Variants in FTO observed in about 807,000 individuals in gnomAD.
The protein encoded by FTO is alpha-ketoglutarate-dependent dioxygenase FTO.
Under a neutral mutation model 63.9 loss-of-function variants are expected in FTO, and 47 were observed. The observed-to-expected ratio is 0.74, with a 90% confidence interval of 0.58 to 0.94. The LOEUF (loss-of-function observed/expected upper bound fraction) is 0.94. Among genes scored for constraint, FTO ranks in the 40% least tolerant of loss-of-function variants. The probability of loss-of-function intolerance (pLI) is 0.00; values close to 1 mark genes in which losing one functional copy is unlikely to be tolerated. For synonymous variants in FTO, 207 were observed against 224.4 expected, an observed-to-expected ratio of 0.92 and a Z score of 0.69; for missense variants, 562 against 618.1, an observed-to-expected ratio of 0.91 and a Z score of 0.96.
chr16:53,950,155 T>TAAAAAAAAAAAAAAAAACAAAAAAAAA (rs2082741361), intron 8 of FTO, among the ~76,000 whole-genome samples: 3 of 50,602 alleles, frequency 5.9e-5, no homozygotes, highest in African/African-American at 1.6e-4. Context: ...TTCACATTTG[T>TAAAAAAAAAAAAAAAAACAAAAAAAAA]AAAAAAAAAA....
At chr16:53,871,146 C>T (rs779297862) in intron 4 of FTO, among the ~76,000 whole-genome samples, 2 of 151,938 alleles carry the variant, frequency 1.3e-5, no homozygotes, top group South Asian at 2.1e-4. Flanking sequence ...AGTCTTATAT[C>T]TTTTTTTGCT....
intron 8 of FTO, among the ~76,000 whole-genome samples, chr16:53,953,012 T>C (rs1194909479): frequency 6.6e-6 from 1 of 152,098 alleles, no homozygotes; most frequent in African/African-American, 2.4e-5. Context: ...ATTGGGAAAC[T>C]TAGAAAACCC....
intron 7 of FTO, among the ~76,000 whole-genome samples, chr16:53,895,768 C>A (rs933668841): frequency 1.3e-5 from 2 of 152,154 alleles, no homozygotes; most frequent in African/African-American, 4.8e-5. Context: ...TTAAGAGGAT[C>A]GTTCCTAGTG....
At chr16:53,848,670 T>C (rs2079701899) in intron 4 of FTO, among the ~76,000 whole-genome samples, 1 of 152,206 alleles carries the variant, frequency 6.6e-6, no homozygotes, top group Non-Finnish European at 1.5e-5. Context: ...ATAGACTGAA[T>C]GTAACCAGGG....
At chr16:53,791,869 C>A (rs568211417) in intron 1 of FTO, among the ~76,000 whole-genome samples, 4 of 151,932 alleles carry the variant, frequency 2.6e-5, no homozygotes, top group Non-Finnish European at 5.9e-5. Flanking sequence ...GTCAGGAGAT[C>A]GAGACCATCC....
At chr16:53,746,657 CAT>C (rs1194967871) in intron 1 of FTO, among the ~76,000 whole-genome samples, 2 of 152,032 alleles carry the variant, frequency 1.3e-5, no homozygotes, top group African/African-American at 4.8e-5. Context: ...GAATAATTAA[CAT>C]ATATATCAGG....
intron 1 of FTO, among the ~76,000 whole-genome samples, chr16:53,713,228 T>C (rs1163015974): frequency 6.6e-6 from 1 of 152,222 alleles, no homozygotes; most frequent in Non-Finnish European, 1.5e-5. Flanking sequence ...ACACATACTT[T>C]AGCAACTGTC....
intron 8 of FTO, among the ~76,000 whole-genome samples, chr16:53,938,443 T>A (rs1218359605): frequency 6.6e-6 from 1 of 152,240 alleles, no homozygotes; most frequent in Non-Finnish European, 1.5e-5. Flanking sequence ...GAGTCTTGAT[T>A]TCAGACCAGT....
intron 8 of FTO, among the ~76,000 whole-genome samples, chr16:54,060,141 A>G (rs764488562): frequency 1.3e-5 from 2 of 152,176 alleles, no homozygotes; most frequent in Admixed American, 6.5e-5. Context: ...TGACCATTTC[A>G]TATGCCTTGA....
chr16:53,914,678 C>T (rs974944064), intron 7 of FTO, among the ~76,000 whole-genome samples: 11 of 152,146 alleles, frequency 7.2e-5, no homozygotes, highest in African/African-American at 1.9e-4. Context: ...TGTGGAAGGA[C>T]GGCCATGGCG....
intron 8 of FTO, among the ~76,000 whole-genome samples, chr16:54,015,079 G>A (rs1209893616): frequency 3.3e-5 from 5 of 151,356 alleles, no homozygotes; most frequent in South Asian, 2.1e-4. Flanking sequence ...TGCCTAGGCT[G>A]TTCTCAAACT....
intron 4 of FTO, among the ~76,000 whole-genome samples, chr16:53,861,153 A>G (rs539093935): frequency 6.6e-6 from 1 of 152,266 alleles, no homozygotes; most frequent in Non-Finnish European, 1.5e-5. Flanking sequence ...ATATATCTTT[A>G]TTTCCATAGG....
Position 53,857,177 on chromosome 16 carries a change from A to G in FTO, c.895+12879A>G, listed in dbSNP as rs569942086. On this transcript the variant is annotated intron_variant, in intron 4 of 8. Coordinates refer to ENST00000471389, the MANE Select transcript of FTO (RefSeq NM_001080432.3). ...AGGGGTTTAGTATACAGATTATTTC[A>G]TCACCCAGGTAATAAGCGTAGTACC... Among the ~76,000 whole-genome samples, 3 of 152,194 alleles carry G rather than the reference A, an allele frequency of 2.0e-5. No individual in the cohort carries two copies. The East Asian group carries it at 5.8e-4, about 29-fold the overall frequency.
At chr16:54,081,889 G>A (rs2086154232) in intron 8 of FTO, among the ~76,000 whole-genome samples, 1 of 152,192 alleles carries the variant, frequency 6.6e-6, no homozygotes, top group Non-Finnish European at 1.5e-5. Context: ...TAACGGAACA[G>A]AGATGTCACG....
At chr16:53,921,092 T>C (rs1323134882) in intron 7 of FTO, among the ~76,000 whole-genome samples, 3 of 152,250 alleles carry the variant, frequency 2.0e-5, no homozygotes, top group Non-Finnish European at 2.9e-5. Flanking sequence ...AAAGACACAC[T>C]GTAGGGCCGC....
chr16:53,833,152 C>T (rs528794307), intron 3 of FTO, among the ~76,000 whole-genome samples: 3 of 152,276 alleles, frequency 2.0e-5, no homozygotes, highest in African/African-American at 4.8e-5. Flanking sequence ...TCCGCTTTTG[C>T]TTCCTCCTCA....
intron 1 of FTO, among the ~76,000 whole-genome samples, chr16:53,761,263 A>T (rs1598595593): frequency 6.9e-6 from 1 of 145,934 alleles, no homozygotes; most frequent in Non-Finnish European, 1.5e-5. Context: ...CACCCAGCTC[A>T]TTTTTTTTTT....
At chr16:53,708,014 T>C (rs79631625) in intron 1 of FTO, among the ~76,000 whole-genome samples, 8,859 of 152,324 alleles carry the variant, frequency 0.058, 479 homozygotes, top group East Asian at 0.32. Context: ...GGTTCATCCA[T>C]GTTGTAGCAT....
chr16:53,818,180 T>G (rs1404592766), intron 2 of FTO, among the ~76,000 whole-genome samples: 1 of 152,156 alleles, frequency 6.6e-6, no homozygotes, highest in African/African-American at 2.4e-5. Context: ...TCTTTTTTTT[T>G]TTTTTTAAAG....
Sources: allele counts gnomAD v4.1 joint callset (sites outside exome capture counted in the v4.1 genomes callset), GRCh38; gene constraint gnomAD v4.1.1; transcripts MANE v1.5; gene names NCBI Gene and HGNC (gene_info 2026-07-23, HGNC 2026-07-21).